Variants in STK10 observed in about 807,000 individuals in gnomAD.
The protein encoded by STK10 is serine/threonine kinase 10, also known as serine/threonine-protein kinase 10.
STK10 carries 78 observed loss-of-function variants against 113.8 expected under a neutral mutation model. The ratio of observed to expected loss-of-function variants is 0.69; its 90% CI spans 0.57 to 0.83. The LOEUF (loss-of-function observed/expected upper bound fraction) is 0.83. Ranked by LOEUF, STK10 falls within the 40% of genes least tolerant of loss-of-function variation. STK10 has a pLI of 0.00. For missense variants in STK10, 1,109 were observed against 1,280.1 expected (o/e 0.87, Z 2.04); for synonymous variants, 465 against 494.7 (o/e 0.94, Z 0.80).
chr5:172,073,389 TG>T (rs1006599481), intron 12 of STK10, among the ~76,000 whole-genome samples: 42 of 152,202 alleles, frequency 2.8e-4, no homozygotes, highest in Admixed American at 2.4e-3. Context: ...TGACCTCAAG[TG>T]GTCTGCCTGC....
At chr5:172,143,301 G>C (rs34071860) in intron 2 of STK10, among the ~76,000 whole-genome samples, 12,333 of 152,160 alleles carry the variant, frequency 0.081, 634 homozygotes, top group South Asian at 0.15. Flanking sequence ...GGAGGCAGAG[G>C]CTGCAGTGAG....
chr5:172,172,727 C>G (rs968671539), intron 1 of STK10, among the ~76,000 whole-genome samples: 1 of 152,178 alleles, frequency 6.6e-6, no homozygotes, highest in African/African-American at 2.4e-5. Context: ...TGCCTGTAAT[C>G]CCAGCACTTT....
chr5:172,166,086 C>T (rs542328374), intron 1 of STK10, among the ~76,000 whole-genome samples: 2 of 152,358 alleles, frequency 1.3e-5, no homozygotes, highest in East Asian at 1.9e-4. Context: ...AGCCACTGCG[C>T]TCGGCCAGTT....
chr5:172,172,214 C>A (rs1253490632), intron 1 of STK10, among the ~76,000 whole-genome samples: 1 of 152,108 alleles, frequency 6.6e-6, no homozygotes, highest in Non-Finnish European at 1.5e-5. Flanking sequence ...GTATGGCATG[C>A]ACAGCCCTTC....
chr5:172,064,488 A>C (rs184595464), intron 13 of STK10: 26 of 584,074 alleles, frequency 4.5e-5, no homozygotes, highest in Non-Finnish European at 7.3e-5. Context: ...GGTCAATGTA[A>C]AGTGTTGGGG....
chr5:172,093,489 A>T lies in STK10; in HGVS notation c.1477T>A (p.Ser493Thr). 1 of 1,614,206 alleles carries T rather than the reference A, an allele frequency of 6.2e-7. No individual in the cohort carries two copies. Among genetic ancestry groups the T allele is most frequent in the Admixed American group, 1.7e-5 (1 of 60,026 alleles). Residue 493 changes from serine (S) to threonine (T), a missense_variant, in exon 9 of 19, where the codon TCT becomes ACT. By Grantham distance (58) the Ser-to-Thr change is moderately conservative (BLOSUM62 1). This residue lies in a region of STK10 where 885 missense variants were observed against 991.1 expected (regional missense o/e 0.89). Transcript: ENST00000176763. The surrounding 1 kb of genome is among the most constrained non-coding windows in gnomAD (Gnocchi z 4.1). ...RDSDCSSLCT[S>T]ESMDYGTNLS... Reference sequence around the variant, plus strand: ...TTGGTACCATAGTCCATGCTCTCAGAGGTGCAGAGGCTGCTGCAGTCCGAG... The same window carrying T: ...TTGGTACCATAGTCCATGCTCTCAGTGGTGCAGAGGCTGCTGCAGTCCGAG...
intron 1 of STK10, among the ~76,000 whole-genome samples, chr5:172,174,159 T>G (rs1007863465): frequency 5.3e-5 from 8 of 151,930 alleles, no homozygotes; most frequent in African/African-American, 1.9e-4. Context: ...GCAGGTATTT[T>G]TTGTTGTTGT....
intron 1 of STK10, among the ~76,000 whole-genome samples, chr5:172,175,741 GCC>G (rs1770747015): frequency 6.6e-6 from 1 of 152,088 alleles, no homozygotes; most frequent in African/African-American, 2.4e-5. Flanking sequence ...TGCCCAACAA[GCC>G]CGTTTGTCTT....
At chr5:172,162,400 T>C (rs187587116) in intron 1 of STK10, among the ~76,000 whole-genome samples, 1 of 152,168 alleles carries the variant, frequency 6.6e-6, no homozygotes, top group Non-Finnish European at 1.5e-5. Context: ...TAGCCACCCA[T>C]CATTTAAGTT....
intron 2 of STK10, among the ~76,000 whole-genome samples, chr5:172,138,883 G>A (rs1427726276): frequency 1.3e-5 from 2 of 152,096 alleles, no homozygotes; most frequent in African/African-American, 4.8e-5. Flanking sequence ...ACGTGGTGGC[G>A]GGTGCCTGTA....
intron 18 of STK10, among the ~76,000 whole-genome samples, chr5:172,049,825 T>G (rs1767587471): frequency 6.6e-6 from 1 of 152,110 alleles, no homozygotes; most frequent in Non-Finnish European, 1.5e-5. Flanking sequence ...TTTTTTGAGA[T>G]GGAGTTTCAC....
chr5:172,115,007 T>G (rs942694707), intron 4 of STK10: 5 of 152,512 alleles, frequency 3.3e-5, no homozygotes, highest in African/African-American at 1.2e-4. Context: ...TCCCCTCTGC[T>G]GGGCCTGTGC....
At chr5:172,171,442 G>C (rs1213545667) in intron 1 of STK10, among the ~76,000 whole-genome samples, 1 of 152,156 alleles carries the variant, frequency 6.6e-6, no homozygotes, top group Admixed American at 6.6e-5. Flanking sequence ...GGCTGCGCAT[G>C]GTGGCTCAAA....
At position 172,065,970 on chromosome 5, in the gene STK10, G is replaced by A. The variant is rs146309485; in HGVS notation, c.1990-1158C>T. Among the ~76,000 whole-genome samples the A allele has an allele frequency of 1.2e-3, 187 of 152,276 alleles. 2 individuals carry two copies. Among genetic ancestry groups the A allele is most frequent in the African/African-American group, 4.3e-3 (180 of 41,556 alleles). ...GGTTTCTGTCTTTTATAACAGGAGG[G>A]AGAAGAGATCCATGACACTTCTCTC... On this transcript the variant is annotated intron_variant, in intron 12 of 18. Transcript: ENST00000176763.
At chr5:172,158,246 C>T (rs899923119) in intron 1 of STK10, among the ~76,000 whole-genome samples, 1 of 151,828 alleles carries the variant, frequency 6.6e-6, no homozygotes, top group Non-Finnish European at 1.5e-5. Flanking sequence ...ATAGACCTAT[C>T]CTAGGACCTA....
intron 10 of STK10, among the ~76,000 whole-genome samples, chr5:172,089,470 C>T (rs1454743756): frequency 8.9e-6 from 1 of 112,498 alleles, no homozygotes; most frequent in African/African-American, 4.8e-5. Flanking sequence ...AGGTGGAAGG[C>T]TGAATGGGTA....
At position 172,042,595 on chromosome 5, in the gene STK10, G is replaced by A. The variant is rs769115961; in HGVS notation, c.*2287C>T. On this transcript the variant is annotated 3_prime_UTR_variant, in exon 19 of 19. Transcript: ENST00000176763. ...AGCAAAGCCCAAAGCAGCCCTGTCTGGTGGTTCCCAACGCTGGCCTGGCCT... is the reference window on the plus strand; with the variant it reads ...AGCAAAGCCCAAAGCAGCCCTGTCTAGTGGTTCCCAACGCTGGCCTGGCCT... The A allele has an allele frequency of 2.6e-5, 4 of 152,254 alleles. No homozygotes were observed. The highest frequency in any genetic ancestry group is 5.9e-5 in the Non-Finnish European group (4 of 68,056). The allele number at this position is 152,254 out of a possible 1,614,324, so 9.4% of individuals were successfully genotyped here.
At chr5:172,169,099 A>G (rs920060479) in intron 1 of STK10, among the ~76,000 whole-genome samples, 1 of 151,876 alleles carries the variant, frequency 6.6e-6, no homozygotes, top group Admixed American at 6.6e-5. Flanking sequence ...CCTGCGTTTA[A>G]TCAGCCAGCA....
chr5:172,056,958 A>AGAAAGAAAGAAAGAAAGAAG (rs1767798010), intron 15 of STK10: 1 of 78,398 alleles, frequency 1.3e-5, no homozygotes, highest in Non-Finnish European at 2.5e-5. Flanking sequence ...AAAGAAGGAA[A>AGAAAGAAAGAAAGAAAGAAG]GAAAGAAAGA....
Sources: gnomAD v4.1 joint callset for allele counts (sites outside exome capture counted in the v4.1 genomes callset) on GRCh38, gnomAD v4.1.1 for gene constraint, gnomAD v4.1.1 regional missense constraint, Gnocchi (gnomAD v3.1) non-coding constraint, MANE v1.5 for transcripts, NCBI Gene and HGNC (gene_info 2026-07-23, HGNC 2026-07-21) for gene names.